HS3ST4: variants seen among roughly 807,000 people sequenced by gnomAD.
HS3ST4 encodes heparan sulfate glucosamine 3-O-sulfotransferase 4.
HS3ST4 carries 17 observed loss-of-function variants against 29.2 expected under a neutral mutation model. The ratio of observed to expected loss-of-function variants is 0.58; its 90% CI spans 0.40 to 0.87. The LOEUF (loss-of-function observed/expected upper bound fraction) is 0.87. Ranked by LOEUF, HS3ST4 falls within the 40% of genes least tolerant of loss-of-function variation. The pLI, the probability that HS3ST4 is intolerant of heterozygous loss-of-function variation, is 0.00. For missense variants in HS3ST4, 627 were observed against 634.5 expected (o/e 0.99, Z 0.13); for synonymous variants, 314 against 285.7 (o/e 1.10, Z -1.00).
chr16:26,074,555 G>A (rs1426227456), intron 1 of HS3ST4, among the ~76,000 whole-genome samples: 1 of 152,138 alleles, frequency 6.6e-6, no homozygotes, highest in Admixed American at 6.5e-5. Context: ...AGGTACCAAA[G>A]ACAAAAGCCA....
intron 1 of HS3ST4, among the ~76,000 whole-genome samples, chr16:26,046,403 G>A (rs567140286): frequency 7.6e-4 from 115 of 152,068 alleles, no homozygotes; most frequent in African/African-American, 2.4e-3. Context: ...CACCTGTCTC[G>A]GCTTCCCAAA....
chr16:25,733,063 C>T (rs972530041), intron 1 of HS3ST4, among the ~76,000 whole-genome samples: 1 of 152,134 alleles, frequency 6.6e-6, no homozygotes, highest in Non-Finnish European at 1.5e-5. Flanking sequence ...CTCTGAGGTC[C>T]ATCTAATGTA....
chr16:25,889,866 T>C (rs1458768500), intron 1 of HS3ST4, among the ~76,000 whole-genome samples: 2 of 151,988 alleles, frequency 1.3e-5, no homozygotes, highest in Admixed American at 6.6e-5. Flanking sequence ...GTAAGTCTCA[T>C]GAGATCTGAA....
chr16:26,018,250 G>T (rs559224769), intron 1 of HS3ST4, among the ~76,000 whole-genome samples: 8 of 152,316 alleles, frequency 5.3e-5, no homozygotes, highest in African/African-American at 1.9e-4. Flanking sequence ...ATGAATGGAA[G>T]TGAATGAAAG....
intron 1 of HS3ST4, among the ~76,000 whole-genome samples, chr16:25,820,040 A>AG: frequency 6.7e-6 from 1 of 149,172 alleles, no homozygotes; most frequent in Non-Finnish European, 1.5e-5. Flanking sequence ...AAAAAAAAAA[A>AG]AAAAAAAAAG....
rs140026904 is a variant in HS3ST4, at chr16:25,715,673, C to T, written c.734+22522C>T. Among the ~76,000 whole-genome samples the T allele has an allele frequency of 3.7e-4, 56 of 152,276 alleles. 1 individual carries two copies. The East Asian group carries it at 6.0e-3, about 16-fold the overall frequency. ...CAAAGATTCCTTTTTTAAACTTTTC[C>T]GAAGTGAATTGGAGCGGAGTGACAG... On this transcript the variant is annotated intron_variant, in intron 1 of 1. Transcript: ENST00000331351.
intron 1 of HS3ST4, among the ~76,000 whole-genome samples, chr16:25,856,046 G>A (rs1005200806): frequency 2.0e-5 from 3 of 152,014 alleles, no homozygotes; most frequent in Non-Finnish European, 4.4e-5. Flanking sequence ...ACCCTGGATA[G>A]GTCTGTTCTC....
chr16:26,045,724 C>T lies in HS3ST4; in HGVS notation c.735-89888C>T, dbSNP rs113646846. Among the ~76,000 whole-genome samples, 249 of 152,294 alleles carry T rather than the reference C, an allele frequency of 1.6e-3. 1 individual carries two copies. Among genetic ancestry groups the T allele is most frequent in the South Asian group, 2.5e-3 (12 of 4,824 alleles). ...GAACAACTATTGTTCACGAATTTTC[C>T]ATCTCTCTTGACATTGTCATCTTCT... On this transcript the variant is annotated intron_variant, in intron 1 of 1. Transcript: ENST00000331351.
In HS3ST4 at chr16:25,692,987, C is replaced by T. The variant is rs557732809; in HGVS notation, c.570C>T (p.Pro190=). The change falls in exon 1 of 2, where the codon CCC becomes CCT. Residue 190 remains proline (P), a synonymous_variant. Transcript: ENST00000331351. ...AGAGGGGCGGCGCCGTCAGCACCCC[C>T]GACTATGGGGAGAAGAAGCTGCCAC... is the stretch of plus-strand genomic sequence containing the variant. ...SSERGGAVST[P]DYGEKKLPQA... is the part of the protein sequence containing the mutation. 7 of 1,611,220 alleles carry T rather than the reference C, an allele frequency of 4.3e-6. No individual in the cohort carries two copies. Among genetic ancestry groups the T allele is most frequent in the Non-Finnish European group, 5.9e-6 (7 of 1,179,366 alleles).
Position 25,692,976 on chromosome 16 carries a change from G to C in HS3ST4, c.559G>C (p.Val187Leu), listed in dbSNP as rs1178945861. The C allele has an allele frequency of 3.7e-6, 6 of 1,610,812 alleles. No homozygotes were observed. The highest frequency in any genetic ancestry group is 2.7e-5 in the African/African-American group (2 of 74,882). Reference protein sequence around the residue: ...ANGSSERGGAVSTPDYGEKKL... With the variant: ...ANGSSERGGALSTPDYGEKKL... Reference sequence around the variant, plus strand: ...CGGGAGCAGCGAGAGGGGCGGCGCCGTCAGCACCCCCGACTATGGGGAGAA... The same window carrying C: ...CGGGAGCAGCGAGAGGGGCGGCGCCCTCAGCACCCCCGACTATGGGGAGAA... The change falls in exon 1 of 2, where the codon GTC becomes CTC. Residue 187 changes from valine (V) to leucine (L), a missense_variant. Physicochemically the swap from Val to Leu is conservative, Grantham distance 32. This residue lies in a region of HS3ST4 where 402 missense variants were observed against 340.8 expected (regional missense o/e 1.18). Transcript: ENST00000331351.
chr16:25,815,634 A>G (rs1967086227), intron 1 of HS3ST4, among the ~76,000 whole-genome samples: 1 of 152,164 alleles, frequency 6.6e-6, no homozygotes, highest in Non-Finnish European at 1.5e-5. Flanking sequence ...TAAGTATTAT[A>G]TTTTTAAAAG....
chr16:26,096,492 A>G (rs1898927617), intron 1 of HS3ST4, among the ~76,000 whole-genome samples: 1 of 152,174 alleles, frequency 6.6e-6, no homozygotes, highest in Admixed American at 6.5e-5. Context: ...AATGACAAAA[A>G]CCACATGATT....
Position 26,061,836 on chromosome 16 carries a change from T to A in HS3ST4, c.735-73776T>A, listed in dbSNP as rs1898479633. Among the ~76,000 whole-genome samples, 3 of 152,198 alleles carry A rather than the reference T, an allele frequency of 2.0e-5. No homozygotes were observed. The South Asian group carries it at 6.2e-4, about 32-fold the overall frequency. On this transcript the variant is annotated intron_variant, in intron 1 of 1. Transcript: ENST00000331351. Reference sequence around the variant, plus strand: ...GTGGTGGCAAGATGGAACCAGCAACTTTATCTTCAAATTCTCCCATTCAAG... The same window carrying A: ...GTGGTGGCAAGATGGAACCAGCAACATTATCTTCAAATTCTCCCATTCAAG...
At chr16:26,095,979 C>A (rs1223222532) in intron 1 of HS3ST4, among the ~76,000 whole-genome samples, 1 of 151,654 alleles carries the variant, frequency 6.6e-6, no homozygotes, top group African/African-American at 2.4e-5. Flanking sequence ...TCAGAGAATA[C>A]TATAAACGCC....
At chr16:25,848,998 G>A (rs1419764423) in intron 1 of HS3ST4, among the ~76,000 whole-genome samples, 1 of 151,870 alleles carries the variant, frequency 6.6e-6, no homozygotes, top group East Asian at 1.9e-4. Flanking sequence ...TTGTAATTTC[G>A]GTTTTGAATT....
chr16:26,137,678 C>G lies in HS3ST4; in HGVS notation c.*1430C>G, dbSNP rs1196979240. On this transcript the variant is annotated 3_prime_UTR_variant, in exon 2 of 2. Coordinates refer to ENST00000331351, the MANE Select transcript of HS3ST4 (RefSeq NM_006040.3). ...AACCGTGTTGTTATAAAGCTTAATG[C>G]AACCTGATTAATGAGTTTCGATGGT... 6.7e-6 allele frequency: 1 copy of G among 149,080 alleles called. No individual in the cohort carries two copies. The highest frequency in any genetic ancestry group is 2.5e-5 in the African/African-American group (1 of 40,136). 9.2% of individuals were successfully genotyped at this position (149,080 alleles called of 1,614,324 possible). A position where few individuals can be genotyped will look rare whatever the true frequency, so the allele number is the denominator to read the frequency against.
intron 1 of HS3ST4, among the ~76,000 whole-genome samples, chr16:25,790,830 T>A (rs1361949262): frequency 6.6e-6 from 1 of 152,222 alleles, no homozygotes; most frequent in Non-Finnish European, 1.5e-5. Flanking sequence ...GAAAATATAT[T>A]CAACTAGTCT....
chr16:25,724,117 A>C (rs867852468), intron 1 of HS3ST4, among the ~76,000 whole-genome samples: 1,824 of 136,840 alleles, frequency 0.013, 20 homozygotes, highest in African/African-American at 0.027. Flanking sequence ...CATCTCAAAA[A>C]AAAAAAAAAA....
At chr16:26,032,718 G>T in intron 1 of HS3ST4, 4 of 1,146,422 alleles carry the variant, frequency 3.5e-6, no homozygotes, top group East Asian at 2.3e-5. Context: ...GGAGGAGCAG[G>T]TTTAGCAGAC....
Sources: gnomAD v4.1 joint callset for allele counts (sites outside exome capture counted in the v4.1 genomes callset) on GRCh38, gnomAD v4.1.1 for gene constraint, gnomAD v4.1.1 regional missense constraint, MANE v1.5 for transcripts, NCBI Gene and HGNC (gene_info 2026-07-23, HGNC 2026-07-21) for gene names.